Variants in CLMP observed in about 807,000 individuals in gnomAD.
CLMP encodes the protein CXADR-like membrane protein.
CLMP carries 27 observed loss-of-function variants against 45.2 expected under a neutral mutation model. The observed-to-expected ratio is 0.60, with a 90% confidence interval of 0.44 to 0.82. The LOEUF is 0.82. Ranked by LOEUF, CLMP falls within the 40% of genes least tolerant of loss-of-function variation. The pLI, the probability that CLMP is intolerant of heterozygous loss-of-function variation, is 0.00. For missense variants in CLMP, 403 were observed against 448.4 expected, an observed-to-expected ratio of 0.90 and a Z score of 0.91; for synonymous variants, 167 against 171.4, an observed-to-expected ratio of 0.97 and a Z score of 0.20.
intron 1 of CLMP, among the ~76,000 whole-genome samples, chr11:123,190,263 C>A (rs887805465): frequency 6.6e-6 from 1 of 152,162 alleles, no homozygotes; most frequent in African/African-American, 2.4e-5. Context: ...CTACTGTTTT[C>A]TTCCAATTAG....
At chr11:123,157,722 C>CAAAAA (rs869197042) in intron 1 of CLMP, among the ~76,000 whole-genome samples, 4 of 71,186 alleles carry the variant, frequency 5.6e-5, no homozygotes, top group Admixed American at 1.7e-4. Context: ...GAGTGAAACT[C>CAAAAA]AAAAAAAAAA....
intron 1 of CLMP, among the ~76,000 whole-genome samples, chr11:123,194,551 C>CA (rs1411987755): frequency 2.6e-5 from 4 of 152,248 alleles, no homozygotes; most frequent in Non-Finnish European, 2.9e-5. Flanking sequence ...CTGTTTGAAA[C>CA]AACAACAAAA....
chr11:123,187,385 T>C (rs1364153927), intron 1 of CLMP, among the ~76,000 whole-genome samples: 1 of 152,250 alleles, frequency 6.6e-6, no homozygotes, highest in Non-Finnish European at 1.5e-5. Flanking sequence ...AGAAGGCTTA[T>C]TGCTCTAAGT....
intron 1 of CLMP, among the ~76,000 whole-genome samples, chr11:123,164,461 G>A (rs946906963): frequency 2.6e-5 from 4 of 151,956 alleles, no homozygotes; most frequent in African/African-American, 7.3e-5. Flanking sequence ...GTGCCACCAC[G>A]CCTAGCTAGT....
intron 2 of CLMP, among the ~76,000 whole-genome samples, chr11:123,090,410 G>A (rs1209977956): frequency 6.6e-6 from 1 of 151,642 alleles, no homozygotes; most frequent in East Asian, 1.9e-4. Context: ...AACAGAGCGA[G>A]ACTCTGTCTC....
At chr11:123,136,888 A>G (rs960432208) in intron 1 of CLMP, among the ~76,000 whole-genome samples, 2 of 152,026 alleles carry the variant, frequency 1.3e-5, no homozygotes, top group African/African-American at 2.4e-5. Context: ...TTCTGAAAGT[A>G]TAACTTTAGT....
chr11:123,140,727 T>C (rs1053785394), intron 1 of CLMP, among the ~76,000 whole-genome samples: 4 of 152,172 alleles, frequency 2.6e-5, no homozygotes, highest in Non-Finnish European at 4.4e-5. Context: ...GTGGGATGTA[T>C]AACAGCGTCC....
intron 1 of CLMP, among the ~76,000 whole-genome samples, chr11:123,107,151 C>G (rs547037671): frequency 2.6e-5 from 4 of 151,976 alleles, no homozygotes; most frequent in African/African-American, 9.6e-5. Context: ...GCCTGAACTC[C>G]CTGGGCTCAA....
intron 1 of CLMP, among the ~76,000 whole-genome samples, chr11:123,102,184 TAA>T (rs796351533): frequency 7.1e-6 from 1 of 140,054 alleles, no homozygotes; most frequent in Non-Finnish European, 1.6e-5. Context: ...ACCCTGTCTC[TAA>T]AAAAAAAAAA....
At chr11:123,085,816 G>A (rs1288523019) in intron 2 of CLMP, among the ~76,000 whole-genome samples, 3 of 142,262 alleles carry the variant, frequency 2.1e-5, no homozygotes, top group East Asian at 4.2e-4. Flanking sequence ...CACTCTTGTC[G>A]CCCGGTCTGG....
chr11:123,141,778 T>C (rs563588124), intron 1 of CLMP, among the ~76,000 whole-genome samples: 25 of 152,332 alleles, frequency 1.6e-4, no homozygotes, highest in South Asian at 8.3e-4. Context: ...ATAATGTTTA[T>C]GAAGTGGCTT....
chr11:123,143,063 G>T (rs1220668332), intron 1 of CLMP, among the ~76,000 whole-genome samples: 1 of 152,222 alleles, frequency 6.6e-6, no homozygotes, highest in Non-Finnish European at 1.5e-5. Context: ...CCCAGTGGAG[G>T]TTCCTTACAA....
At chr11:123,155,773 T>G (rs570029799) in intron 1 of CLMP, among the ~76,000 whole-genome samples, 2 of 152,280 alleles carry the variant, frequency 1.3e-5, no homozygotes, top group South Asian at 4.1e-4. Flanking sequence ...CCAGTAGGAT[T>G]TTGCAGAAAT....
rs748067045 is a variant in CLMP at position 123,073,436 on chromosome 11, G to A, written c.*38C>T. ...ATGACGAGAAGAGTCCAAAGACCCT[G>A]ACTCCTAGGAAAGCGTGGGAGTCAA... On this transcript the variant is annotated 3_prime_UTR_variant, in exon 7 of 7. Transcript: ENST00000448775. 6.4e-7 allele frequency: 1 copy of A among 1,561,862 alleles called. No homozygotes were observed. Among genetic ancestry groups the A allele is most frequent in the Non-Finnish European group, 8.7e-7 (1 of 1,153,752 alleles).
intron 2 of CLMP, among the ~76,000 whole-genome samples, chr11:123,090,919 A>G (rs977519355): frequency 1.3e-5 from 2 of 152,142 alleles, no homozygotes; most frequent in Non-Finnish European, 2.9e-5. Flanking sequence ...TTATGTGCCT[A>G]TGTGCAGTAT....
chr11:123,083,171 A>G lies in CLMP; in HGVS notation c.593T>C (p.Leu198Pro). 6.2e-7 allele frequency: 1 copy of G among 1,614,156 alleles called. No homozygotes were observed. The highest frequency in any genetic ancestry group is 1.3e-5 in the African/African-American group (1 of 75,046). The stretch of plus-strand genomic sequence containing the variant: ...GTACAGTCCAGAGTAGGACATGGTA[A>G]GATTCTGCAGCAGAACTCGTCCAGG... The part of the protein sequence containing the change: ...NHPGRVLLQN[L>P]TMSYSGLYQC... The change falls in exon 5 of 7, where the codon CTT becomes CCT. Residue 198 changes from leucine (L) to proline (P), a missense_variant. Transcript: ENST00000448775.
At chr11:123,133,835 C>T (rs1000988675) in intron 1 of CLMP, among the ~76,000 whole-genome samples, 4 of 152,080 alleles carry the variant, frequency 2.6e-5, no homozygotes, top group African/African-American at 9.7e-5. Context: ...TGCTGTCTCC[C>T]CCAGCTTATT....
intron 1 of CLMP, among the ~76,000 whole-genome samples, chr11:123,123,131 T>G (rs1860840994): frequency 6.6e-6 from 1 of 152,088 alleles, no homozygotes; most frequent in Admixed American, 6.6e-5. Flanking sequence ...CCACTCTGGT[T>G]TCTAGTCCAG....
chr11:123,180,318 C>G (rs569652843), intron 1 of CLMP, among the ~76,000 whole-genome samples: 2 of 152,302 alleles, frequency 1.3e-5, no homozygotes, highest in African/African-American at 4.8e-5. Flanking sequence ...AATCCTAACC[C>G]TCAAGGTGCT....
Sources: gnomAD v4.1 joint callset for allele counts (sites outside exome capture counted in the v4.1 genomes callset) on GRCh38, gnomAD v4.1.1 for gene constraint, MANE v1.5 for transcripts, NCBI Gene and HGNC (gene_info 2026-07-23, HGNC 2026-07-21) for gene names.